TMOD3: variants seen among roughly 807,000 people sequenced by gnomAD.
The protein encoded by TMOD3 is tropomodulin-3.
In TMOD3, 20 loss-of-function variants were observed where a neutral mutation model predicts 39.2. That is an observed-to-expected ratio of 0.51 (90% CI 0.36 to 0.74). The LOEUF is 0.74. Among genes scored for constraint, TMOD3 ranks in the 30% least tolerant of loss-of-function variants. The probability of loss-of-function intolerance (pLI) is 0.00; values close to 1 mark genes in which losing one functional copy is unlikely to be tolerated. For missense variants in TMOD3, 381 were observed against 412.8 expected, an observed-to-expected ratio of 0.92 and a Z score of 0.67; for synonymous variants, 143 against 145.8, an observed-to-expected ratio of 0.98 and a Z score of 0.14.
chr15:51,869,133 TTC>T (rs2038160870), intron 2 of TMOD3, 82 bp from the exon 3 acceptor site: 1 of 1,467,934 alleles, frequency 6.8e-7, no homozygotes. Flanking sequence ...CAGTCTGTAA[TTC>T]TTTTTTATAT....
chr15:51,883,013 C>T (rs989093943), intron 3 of TMOD3, among the ~76,000 whole-genome samples: 9 of 152,098 alleles, frequency 5.9e-5, no homozygotes, highest in African/African-American at 2.2e-4. Flanking sequence ...TAACTTATTA[C>T]AGTGTATTAG....
intron 1 of TMOD3, among the ~76,000 whole-genome samples, chr15:51,848,258 A>C (rs1183801060): frequency 6.6e-6 from 1 of 152,224 alleles, no homozygotes; most frequent in Non-Finnish European, 1.5e-5. Flanking sequence ...ATTTAGAATT[A>C]TAAGCTTATA....
intron 2 of TMOD3, among the ~76,000 whole-genome samples, chr15:51,864,783 G>C (rs568042452): frequency 6.6e-6 from 1 of 152,120 alleles, no homozygotes; most frequent in East Asian, 1.9e-4. Context: ...GGGTGATTTA[G>C]GGGGAGGGGA....
chr15:51,886,115 C>T (rs950749110), intron 3 of TMOD3, among the ~76,000 whole-genome samples: 6 of 151,962 alleles, frequency 3.9e-5, no homozygotes, highest in South Asian at 2.1e-4. Flanking sequence ...GGGTGGCGGT[C>T]GGGCAGAGAC....
chr15:51,854,087 A>C (rs2252831), intron 1 of TMOD3, among the ~76,000 whole-genome samples: 63,985 of 151,940 alleles, frequency 0.42, 13,685 homozygotes, highest in Admixed American at 0.52. Flanking sequence ...ACTAGCTAGT[A>C]AGGACCAGCT....
intron 3 of TMOD3, among the ~76,000 whole-genome samples, chr15:51,876,563 G>A (rs914237054): frequency 6.6e-6 from 1 of 151,046 alleles, no homozygotes; most frequent in African/African-American, 2.4e-5. Context: ...CTGGGTTCAT[G>A]CCATTCTCCT....
chr15:51,838,222 T>C (rs1334857990), intron 1 of TMOD3, among the ~76,000 whole-genome samples: 2 of 152,220 alleles, frequency 1.3e-5, no homozygotes, highest in Non-Finnish European at 2.9e-5. Context: ...CTCCTCTCTG[T>C]GTAGCTAATT....
At chr15:51,862,034 C>T (rs1244048096) in intron 1 of TMOD3, among the ~76,000 whole-genome samples, 1 of 152,118 alleles carries the variant, frequency 6.6e-6, no homozygotes, top group East Asian at 1.9e-4. Context: ...TAGAACAGTC[C>T]TGCCGAATCA....
At chr15:51,878,416 T>A (rs1232428099) in intron 3 of TMOD3, among the ~76,000 whole-genome samples, 1 of 106,524 alleles carries the variant, frequency 9.4e-6, no homozygotes, top group Non-Finnish European at 2.1e-5. Flanking sequence ...GTAAAACTTG[T>A]TTCATATATT....
intron 3 of TMOD3, among the ~76,000 whole-genome samples, chr15:51,871,149 A>T (rs570002780): frequency 6.6e-6 from 1 of 152,258 alleles, no homozygotes; most frequent in South Asian, 2.1e-4. Context: ...ACTAACCATC[A>T]CGCTACTGTT....
intron 1 of TMOD3, among the ~76,000 whole-genome samples, chr15:51,855,294 A>C: frequency 6.6e-6 from 1 of 152,234 alleles, no homozygotes; most frequent in East Asian, 1.9e-4. Context: ...GCTTATTAGA[A>C]ATGCAGATTA....
chr15:51,865,007 G>C (rs534675600), intron 2 of TMOD3, among the ~76,000 whole-genome samples: 2 of 151,910 alleles, frequency 1.3e-5, no homozygotes, highest in African/African-American at 4.8e-5. Context: ...TTTTTTTAGA[G>C]CCCAATTCTC....
rs1436706231 is a variant in TMOD3, at chr15:51,869,369, A to G, written c.279A>G (p.Lys93=). The G allele has an allele frequency of 6.2e-7, 1 of 1,610,460 alleles. No individual in the cohort carries two copies. Among genetic ancestry groups the G allele is most frequent in the African/African-American group, 1.3e-5 (1 of 74,686 alleles). The stretch of plus-strand genomic sequence containing the variant: ...ACTATGTGCCCTACACTGGAGAAAA[A>G]AAAGGTAAGCCCCAGAATTTTAAAG... ...REDYVPYTGE[K]KGKIFIPKQK... is the part of the protein sequence containing the mutation. The change falls in exon 3 of 10, where the codon AAA becomes AAG. Residue 93 remains lysine, a synonymous_variant. Coordinates refer to ENST00000308580, the MANE Select transcript of TMOD3 (RefSeq NM_014547.5).
chr15:51,880,139 A>C (rs1194041195), intron 3 of TMOD3, among the ~76,000 whole-genome samples: 1 of 152,188 alleles, frequency 6.6e-6, no homozygotes, highest in East Asian at 1.9e-4. Context: ...TGCTAGTTAG[A>C]TGTTTCTCGG....
rs535468975 is a variant in TMOD3 at position 51,859,910 on chromosome 15, G to A, written c.-74-2901G>A. On this transcript the variant is annotated intron_variant, in intron 1 of 9. Transcript: ENST00000308580. ...CTTGAGTTCATGTGCCCTTCTGAAT[G>A]CAGTCATGGTTCTTTCCAACCTCTT... 1.3e-5 allele frequency: 7 copies of A among 541,216 alleles called. 1 individual carries two copies. The highest frequency in any genetic ancestry group is 2.8e-5 in the South Asian group (2 of 72,012). 33.5% of individuals were successfully genotyped at this position (541,216 alleles called of 1,614,324 possible).
At chr15:51,863,786 G>T (rs997749753) in intron 2 of TMOD3, among the ~76,000 whole-genome samples, 1 of 152,076 alleles carries the variant, frequency 6.6e-6, no homozygotes, top group Non-Finnish European at 1.5e-5. Context: ...TTATAACGTT[G>T]TTGTTACTGG....
chr15:51,906,302 G>A (rs1256292348), intron 9 of TMOD3, among the ~76,000 whole-genome samples: 3 of 152,170 alleles, frequency 2.0e-5, no homozygotes, highest in Non-Finnish European at 2.9e-5. Flanking sequence ...GATAATCAAA[G>A]AACAAGACTT....
chr15:51,873,977 C>G (rs1402386812), intron 3 of TMOD3, among the ~76,000 whole-genome samples: 1 of 152,148 alleles, frequency 6.6e-6, no homozygotes, highest in African/African-American at 2.4e-5. Context: ...GATTACTTAC[C>G]TAGTCATTAG....
chr15:51,893,028 G>T lies in TMOD3; in HGVS notation c.497-787G>T, dbSNP rs180865483. On this transcript the variant is annotated intron_variant, in intron 5 of 9. Transcript: ENST00000308580. ...ATATGTGTCAAGGCCAAGCGCAGTG[G>T]CTCCTGCCTGTAATCCCAGCACTTT... Among the ~76,000 whole-genome samples, 59 of 152,206 alleles carry T rather than the reference G, an allele frequency of 3.9e-4. No homozygotes were observed. In the East Asian group the frequency reaches 9.3e-3, roughly 24 times the overall value.
Sources: gnomAD v4.1 joint callset for allele counts (sites outside exome capture counted in the v4.1 genomes callset) on GRCh38, gnomAD v4.1.1 for gene constraint, MANE v1.5 for transcripts, NCBI Gene and HGNC (gene_info 2026-07-23, HGNC 2026-07-21) for gene names.